Variants in FAAH2 observed in about 807,000 individuals in gnomAD.
The protein encoded by FAAH2 is fatty-acid amide hydrolase 2.
In FAAH2, 60 loss-of-function variants were observed where a neutral mutation model predicts 36.9. The observed-to-expected ratio is 1.63, with a 90% CI of 1.32 to 2.02. FAAH2 has a LOEUF of 2.02. FAAH2 is among the 30% of genes most tolerant of loss of function. FAAH2 has a pLI of 0.00. For synonymous variants in FAAH2, 214 were observed against 143.8 expected (o/e 1.49, Z -3.49); for missense variants, 689 against 397.5 (o/e 1.73, Z -6.23).
Position 57,433,462 on chromosome X carries a change from C to T in FAAH2, c.1116+1425C>T, listed in dbSNP as rs987459175. On this transcript the variant is annotated intron_variant, in intron 8 of 10. Coordinates refer to ENST00000374900, the MANE Select transcript of FAAH2 (RefSeq NM_174912.4). ...TGTTAATGTAGCTCTTTTTTAATTA[C>T]AAACCTAATTTAAAATTTTTAAATT... Among the ~76,000 whole-genome samples the T allele has an allele frequency of 1.5e-4, 17 of 111,712 alleles. 1 individual carries two copies. Among genetic ancestry groups the T allele is most frequent in the Admixed American group, 3.8e-4 (4 of 10,483 alleles).
intron 10 of FAAH2, among the ~76,000 whole-genome samples, chrX:57,482,676 C>T (rs1371918488): frequency 9.7e-6 from 1 of 103,036 alleles, no homozygotes; most frequent in Non-Finnish European, 2.0e-5. Flanking sequence ...ACCAGATCTG[C>T]TTGTATTCGG....
At chrX:57,124,734 G>A in the FAAH2 span, among the ~76,000 whole-genome samples, 1 of 111,375 alleles carries the variant, frequency 9.0e-6, no homozygotes, top group East Asian at 2.8e-4. Context: ...CTTGTAAGTT[G>A]GATTCCTAGG....
At position 57,488,794 on chromosome X, in the gene FAAH2, C is replaced by A. The variant is rs758393470; in HGVS notation, c.1461C>A (p.Cys487Ter). The A allele has an allele frequency of 4.1e-6, 5 of 1,210,458 alleles. No homozygotes were observed. The South Asian group carries it at 7.1e-5, about 17-fold the overall frequency. Residue 487 changes from cysteine (C) to a stop codon, truncating the protein, a stop_gained, in exon 11 of 11, where the codon TGC (cysteine) becomes TGA (stop). Transcript: ENST00000374900. LOFTEE classifies it high-confidence loss of function. ...FSALGLPVTQ[C>*]PLGLNAKGLP... Reference sequence around the variant, plus strand: ...CCCTGGGTTTGCCTGTGACCCAATGCCCACTGGGACTGAATGCCAAAGGAC... The same window carrying A: ...CCCTGGGTTTGCCTGTGACCCAATGACCACTGGGACTGAATGCCAAAGGAC...
chrX:57,317,186 C>T (rs188766387), intron 3 of FAAH2, among the ~76,000 whole-genome samples: 302 of 111,782 alleles, frequency 2.7e-3, no homozygotes, highest in Middle Eastern at 0.014. Flanking sequence ...TAAATGTAAA[C>T]GGGCTAAGTG....
At chrX:57,311,189 T>A (rs2052682652) in intron 3 of FAAH2, among the ~76,000 whole-genome samples, 1 of 111,336 alleles carries the variant, frequency 9.0e-6, no homozygotes, top group South Asian at 3.7e-4. Flanking sequence ...AACCCATAAG[T>A]CAAAGAAATA....
At chrX:57,469,344 C>T (rs777765455) in intron 10 of FAAH2, among the ~76,000 whole-genome samples, 1 of 111,479 alleles carries the variant, frequency 9.0e-6, no homozygotes, top group African/African-American at 3.3e-5. Context: ...GTGCTGTATT[C>T]AGGAGACCCA....
At chrX:57,286,019 G>T (rs1376307047), upstream of FAAH2, among the ~76,000 whole-genome samples, 2 of 111,393 alleles carry the variant, frequency 1.8e-5, no homozygotes, top group Non-Finnish European at 3.8e-5. Context: ...TAGATTTTTG[G>T]CATGGCTGAC....
At chrX:57,455,523 A>G (rs770792518) in intron 10 of FAAH2, among the ~76,000 whole-genome samples, 65 of 111,362 alleles carry the variant, frequency 5.8e-4, no homozygotes, top group Non-Finnish European at 1.0e-3. Flanking sequence ...AAAAAGATAA[A>G]ACCCAACAAT....
chrX:57,440,529 C>T (rs904021319), intron 8 of FAAH2, among the ~76,000 whole-genome samples: 2 of 111,540 alleles, frequency 1.8e-5, no homozygotes, highest in East Asian at 5.7e-4. Flanking sequence ...TCTATATATA[C>T]AGTCATGTCA....
chrX:57,317,858 A>G (rs763240179), intron 3 of FAAH2, among the ~76,000 whole-genome samples: 2 of 112,206 alleles, frequency 1.8e-5, no homozygotes, highest in South Asian at 7.3e-4. Context: ...AAGGATTAAG[A>G]AACTCACTCA....
At chrX:57,367,718 G>C (rs1317549441) in intron 5 of FAAH2, among the ~76,000 whole-genome samples, 2 of 111,621 alleles carry the variant, frequency 1.8e-5, no homozygotes, top group Non-Finnish European at 3.8e-5. Context: ...TCAGAACTAA[G>C]GGGGACTTCC....
chrX:57,321,146 A>AG (rs1274179016), intron 3 of FAAH2, among the ~76,000 whole-genome samples: 2 of 110,279 alleles, frequency 1.8e-5, no homozygotes, highest in Non-Finnish European at 3.8e-5. Flanking sequence ...TCTCAAAAAA[A>AG]AAAAGAAAAC....
chrX:57,278,060 T>C, the FAAH2 span, among the ~76,000 whole-genome samples: 1 of 111,580 alleles, frequency 9.0e-6, no homozygotes. Context: ...CTTCACAGAA[T>C]TGGAAAAAAA....
the FAAH2 span, among the ~76,000 whole-genome samples, chrX:57,261,821 T>A: frequency 1.8e-5 from 2 of 110,818 alleles, no homozygotes; most frequent in Admixed American, 1.9e-4. Flanking sequence ...ATATTAGTTA[T>A]GAGATTAATT....
intron 10 of FAAH2, among the ~76,000 whole-genome samples, chrX:57,480,927 GT>G (rs1232557581): frequency 1.9e-5 from 2 of 104,640 alleles, no homozygotes; most frequent in Non-Finnish European, 3.9e-5. Context: ...TGGAGGCTTT[GT>G]TTTTTTTTCC....
At chrX:57,174,289 A>G in the FAAH2 span, among the ~76,000 whole-genome samples, 6 of 108,388 alleles carry the variant, frequency 5.5e-5, no homozygotes, top group East Asian at 1.7e-3. Flanking sequence ...GTTTGTTCAG[A>G]ATTTGTTTCT....
At chrX:57,294,636 G>C (rs2052079560) in intron 2 of FAAH2, among the ~76,000 whole-genome samples, 1 of 111,639 alleles carries the variant, frequency 9.0e-6, no homozygotes, top group Non-Finnish European at 1.9e-5. Context: ...TATTTCTCCT[G>C]ATCCATTTAT....
At chrX:57,344,914 C>A (rs1000513685) in intron 5 of FAAH2, among the ~76,000 whole-genome samples, 1 of 110,915 alleles carries the variant, frequency 9.0e-6, no homozygotes, top group Non-Finnish European at 1.9e-5. Flanking sequence ...GTTGAATTAA[C>A]ATTGCATCCC....
the FAAH2 span, among the ~76,000 whole-genome samples, chrX:57,236,732 T>C: frequency 9.0e-6 from 1 of 111,393 alleles, no homozygotes; most frequent in Non-Finnish European, 1.9e-5. Flanking sequence ...ATGATTTGAG[T>C]TCGTTATATA....
Sources: gnomAD v4.1 joint callset for allele counts (sites outside exome capture counted in the v4.1 genomes callset) on GRCh38, gnomAD v4.1.1 for gene constraint, MANE v1.5 for transcripts, NCBI Gene and HGNC (gene_info 2026-07-23, HGNC 2026-07-21) for gene names.